The following SLC9C2 variants were observed in gnomAD, a reference collection of about 807,000 sequenced individuals.
SLC9C2 encodes the protein solute carrier family 9 member C2 (putative), also known as sodium/hydrogen exchanger 11.
SLC9C2 carries 75 observed loss-of-function variants against 140.2 expected under a neutral mutation model. That is an observed-to-expected ratio of 0.53 (90% confidence interval 0.44 to 0.65). SLC9C2 has a LOEUF of 0.65. Ranked by LOEUF, SLC9C2 falls within the 30% of genes least tolerant of loss-of-function variation. The pLI is 0.00. For missense variants in SLC9C2, 1,074 were observed against 1,331.8 expected (o/e 0.81, Z 3.01); for synonymous variants, 375 against 420.9 (o/e 0.89, Z 1.34).
Position 173,581,991 on chromosome 1 carries a change from C to T in SLC9C2, c.658G>A (p.Glu220Lys), listed in dbSNP as rs1367001947. ...SIFRDLHVGIELSYDILGSII... is the reference protein window; with the variant it reads ...SIFRDLHVGIKLSYDILGSII... Reference sequence around the variant, plus strand: ...CTTCCCAAAATGTCATAGCTGAGTTCAATGCCTACATGTAAATCTAAAAAA... The same window carrying T: ...CTTCCCAAAATGTCATAGCTGAGTTTAATGCCTACATGTAAATCTAAAAAA... Residue 220 changes from glutamate (E) to lysine (K), a missense_variant, in exon 7 of 28, where the codon GAA becomes AAA. Coordinates refer to ENST00000367714, the MANE Select transcript of SLC9C2 (RefSeq NM_178527.4). The T allele has an allele frequency of 6.4e-7, 1 of 1,561,662 alleles. No homozygotes were observed. The highest frequency in any genetic ancestry group is 8.7e-7 in the Non-Finnish European group (1 of 1,151,348).
chr1:173,517,585 CA>C lies in SLC9C2; in HGVS notation c.2858del (p.Leu953ArgfsTer43). ...TGDIIGELSC[L>X]LKREIEYTVI... ...CGGTATATTCAATTTCACGCTTAAG[CA>C]GACAGCTTAGCTCTCCAATTATGTC... On this transcript the variant is annotated frameshift_variant, in exon 23 of 28. Coordinates refer to ENST00000367714, the MANE Select transcript of SLC9C2 (RefSeq NM_178527.4). LOFTEE classifies it high-confidence loss of function. 6.2e-7 allele frequency: 1 copy of C among 1,613,420 alleles called. No homozygotes were observed. The highest frequency in any genetic ancestry group is 8.5e-7 in the Non-Finnish European group (1 of 1,179,820).
At chr1:173,556,997 A>C (rs994258933) in intron 10 of SLC9C2, among the ~76,000 whole-genome samples, 3 of 152,088 alleles carry the variant, frequency 2.0e-5, no homozygotes, top group Non-Finnish European at 4.4e-5. Context: ...TTGAGCATTT[A>C]TTAAGTGTCT....
intron 11 of SLC9C2, 127 bp downstream of exon 11, chr1:173,554,606 T>C: frequency 1.5e-6 from 1 of 682,622 alleles, no homozygotes; most frequent in Non-Finnish European, 2.6e-6. Flanking sequence ...AATATATGAA[T>C]AAATGAAAAA....
chr1:173,507,349 A>C (rs1404187521), intron 24 of SLC9C2, among the ~76,000 whole-genome samples: 1 of 152,234 alleles, frequency 6.6e-6, no homozygotes, highest in East Asian at 1.9e-4. Flanking sequence ...GAGTCTTAAA[A>C]GATTCAGAGT....
At position 173,548,376 on chromosome 1, in the gene SLC9C2, G is replaced by C. The variant is rs1476417574; in HGVS notation, c.1461+13C>G. On this transcript the variant is annotated intron_variant, in intron 12 of 27. Transcript: ENST00000367714. ...AGGAAAGGAAAACTACTTTTTGCCAGGTATCAACTCACAGGAATGTATTCG... is the reference window on the plus strand; with the variant it reads ...AGGAAAGGAAAACTACTTTTTGCCACGTATCAACTCACAGGAATGTATTCG... The C allele has an allele frequency of 1.9e-6, 3 of 1,604,640 alleles. No individual in the cohort carries two copies. Among genetic ancestry groups the C allele is most frequent in the Non-Finnish European group, 2.5e-6 (3 of 1,176,560 alleles).
intron 7 of SLC9C2, among the ~76,000 whole-genome samples, chr1:173,579,792 CT>C (rs1207844404): frequency 2.0e-5 from 3 of 152,196 alleles, no homozygotes; most frequent in Non-Finnish European, 2.9e-5. Context: ...ATTCATACTG[CT>C]TAACCAAACA....
chr1:173,567,211 A>G (rs1212240621), intron 9 of SLC9C2, among the ~76,000 whole-genome samples: 1 of 152,090 alleles, frequency 6.6e-6, no homozygotes, highest in Non-Finnish European at 1.5e-5. Context: ...ATTAAGTCCA[A>G]TGTTTCTTTG....
Position 173,516,227 on chromosome 1 carries a change from T to C in SLC9C2, c.2907+1310A>G, listed in dbSNP as rs1356927715. 1.4e-4 allele frequency among the ~76,000 whole-genome samples: 21 copies of C among 152,334 alleles called. 1 individual carries two copies. In the East Asian group the frequency reaches 3.9e-3, roughly 28 times the overall value. On this transcript the variant is annotated intron_variant, in intron 23 of 27. Transcript: ENST00000367714. ...TTCTATTTGAATTCCCCACACCTAG[T>C]GAAATGTCAGGACACTTAGGTGTTG...
intron 13 of SLC9C2, among the ~76,000 whole-genome samples, chr1:173,543,799 C>A (rs1250361790): frequency 6.6e-6 from 1 of 152,140 alleles, no homozygotes; most frequent in Non-Finnish European, 1.5e-5. Flanking sequence ...GCTGGCTAGC[C>A]ATACGTAGAA....
intron 9 of SLC9C2, among the ~76,000 whole-genome samples, chr1:173,567,270 G>C (rs1000943830): frequency 6.6e-6 from 1 of 152,044 alleles, no homozygotes; most frequent in Admixed American, 6.5e-5. Flanking sequence ...GTGGGGTGTT[G>C]AAGTCTGTTA....
chr1:173,508,411 T>G (rs1424773909), intron 24 of SLC9C2, among the ~76,000 whole-genome samples: 1 of 152,088 alleles, frequency 6.6e-6, no homozygotes, highest in East Asian at 1.9e-4. Context: ...TTAAAGGACA[T>G]TCATCTTATT....
chr1:173,600,116 C>T lies in SLC9C2; in HGVS notation c.228+1G>A. 1 of 1,589,312 alleles carries T rather than the reference C, an allele frequency of 6.3e-7. No homozygotes were observed. The highest frequency in any genetic ancestry group is 8.6e-7 in the Non-Finnish European group (1 of 1,164,296). On this transcript the variant is annotated splice_donor_variant, in intron 3 of 27. Transcript: ENST00000367714. LOFTEE classifies it high-confidence loss of function. ...TCTCTAATTTATTGTACATACAGTA[C>T]CTCAACAGAATTGTAGGCCATGTGT... is the stretch of plus-strand genomic sequence containing the variant.
At position 173,561,073 on chromosome 1, in the gene SLC9C2, T is replaced by C. The variant is rs141461256; in HGVS notation, c.1047-3565A>G. Among the ~76,000 whole-genome samples, 1,442 of 152,294 alleles carry C rather than the reference T, an allele frequency of 9.5e-3. 27 individuals carry two copies. The highest frequency in any genetic ancestry group is 0.033 in the African/African-American group (1,383 of 41,576). On this transcript the variant is annotated intron_variant, in intron 9 of 27. Coordinates refer to ENST00000367714, the MANE Select transcript of SLC9C2 (RefSeq NM_178527.4). Reference sequence around the variant, plus strand: ...GGCCTCCCAAAGTGCTGGGATTACATGTGTGAGCCACCGTGCCCGGCCCCA... The same window carrying C: ...GGCCTCCCAAAGTGCTGGGATTACACGTGTGAGCCACCGTGCCCGGCCCCA...
At chr1:173,561,720 G>A (rs560605172) in intron 9 of SLC9C2, among the ~76,000 whole-genome samples, 2 of 152,158 alleles carry the variant, frequency 1.3e-5, no homozygotes, top group Admixed American at 1.3e-4. Context: ...TCCCAGAACA[G>A]GCTTGACCAG....
chr1:173,598,057 A>T, intron 3 of SLC9C2, 25 bp from the exon 4 acceptor site: 1 of 1,561,546 alleles, frequency 6.4e-7, no homozygotes, highest in Non-Finnish European at 8.6e-7. Flanking sequence ...GCAAACAAGA[A>T]ATTAGTTTGC....
chr1:173,599,976 A>G, intron 3 of SLC9C2, 141 bp downstream of exon 3: 1 of 530,662 alleles, frequency 1.9e-6, no homozygotes, highest in Non-Finnish European at 3.3e-6. Flanking sequence ...GTTATTTTCC[A>G]AATTTTTTAA....
intron 12 of SLC9C2, 86 bp from the exon 13 acceptor site, chr1:173,547,870 C>A: frequency 1.1e-6 from 1 of 908,712 alleles, no homozygotes; most frequent in South Asian, 1.7e-5. Context: ...AAATACTACT[C>A]TCAACAAAGA....
intron 27 of SLC9C2, among the ~76,000 whole-genome samples, chr1:173,502,409 C>T (rs888892817): frequency 6.6e-6 from 1 of 152,038 alleles, no homozygotes; most frequent in East Asian, 1.9e-4. Flanking sequence ...TGTCTAGCAC[C>T]CTATTAACCT....
intron 13 of SLC9C2, among the ~76,000 whole-genome samples, chr1:173,541,836 A>G (rs1662448630): frequency 6.6e-6 from 1 of 152,244 alleles, no homozygotes; most frequent in Admixed American, 6.5e-5. Context: ...AACATACCAG[A>G]ATCTCTGGGA....
Sources: gnomAD v4.1 joint callset for allele counts (sites outside exome capture counted in the v4.1 genomes callset) on GRCh38, gnomAD v4.1.1 for gene constraint, MANE v1.5 for transcripts, NCBI Gene and HGNC (gene_info 2026-07-23, HGNC 2026-07-21) for gene names.